Variants in CTNND2 observed in about 807,000 individuals in gnomAD.
CTNND2 encodes the protein catenin delta-2.
In CTNND2, 22 loss-of-function variants were observed where a neutral mutation model predicts 144.4. That is an observed-to-expected ratio of 0.15 (90% CI 0.11 to 0.22). The LOEUF (loss-of-function observed/expected upper bound fraction) is 0.22, where lower values mean the gene tolerates loss of function less well. Ranked by LOEUF, CTNND2 falls within the 10% of genes least tolerant of loss-of-function variation. CTNND2 has a pLI of 1.00. For synonymous variants in CTNND2, 751 were observed against 695.6 expected (o/e 1.08, Z -1.25); for missense variants, 1,353 against 1,618.8 (o/e 0.84, Z 2.82).
chr5:11,503,884 G>C (rs1770757557), intron 3 of CTNND2, among the ~76,000 whole-genome samples: 1 of 152,178 alleles, frequency 6.6e-6, no homozygotes, highest in Non-Finnish European at 1.5e-5. Flanking sequence ...GTTTTCCTAT[G>C]CCTCCTTTCC....
chr5:11,608,368 C>T (rs1276348834), intron 2 of CTNND2, among the ~76,000 whole-genome samples: 1 of 152,162 alleles, frequency 6.6e-6, no homozygotes, highest in African/African-American at 2.4e-5. Flanking sequence ...TGGGTATTTA[C>T]TTACTAGACT....
chr5:11,625,269 G>C (rs1001611860), intron 2 of CTNND2, among the ~76,000 whole-genome samples: 5 of 152,056 alleles, frequency 3.3e-5, no homozygotes, highest in Non-Finnish European at 4.4e-5. Context: ...TTGTCTAAAA[G>C]TTTGAATATG....
At chr5:11,516,305 G>A (rs1772161215) in intron 3 of CTNND2, among the ~76,000 whole-genome samples, 1 of 151,544 alleles carries the variant, frequency 6.6e-6, no homozygotes, top group African/African-American at 2.4e-5. Context: ...ACTCAACATG[G>A]TAAAGGAAGT....
At chr5:11,032,292 T>C in intron 16 of CTNND2, among the ~76,000 whole-genome samples, 1 of 152,234 alleles carries the variant, frequency 6.6e-6, no homozygotes, top group East Asian at 1.9e-4. Context: ...AGGGTTTTTT[T>C]CCTTTTGTAT....
intron 9 of CTNND2, among the ~76,000 whole-genome samples, chr5:11,304,213 T>C (rs1204100297): frequency 6.6e-6 from 1 of 152,136 alleles, no homozygotes; most frequent in Non-Finnish European, 1.5e-5. Flanking sequence ...TATTGGTTGT[T>C]GAGGATTAAT....
intron 9 of CTNND2, among the ~76,000 whole-genome samples, chr5:11,245,373 G>C (rs1283696910): frequency 6.6e-6 from 1 of 152,166 alleles, no homozygotes; most frequent in Non-Finnish European, 1.5e-5. Flanking sequence ...AGTATCCTGA[G>C]ATGGGAGATG....
At chr5:11,240,754 C>A in intron 9 of CTNND2, among the ~76,000 whole-genome samples, 1 of 146,040 alleles carries the variant, frequency 6.8e-6, no homozygotes, top group Non-Finnish European at 1.5e-5. Context: ...AACACACACA[C>A]ATCCAACAGA....
intron 15 of CTNND2, among the ~76,000 whole-genome samples, chr5:11,096,090 G>A (rs1278776769): frequency 6.6e-6 from 1 of 151,794 alleles, no homozygotes; most frequent in African/African-American, 2.4e-5. Context: ...CTGTCTTCAA[G>A]TTCACTAATC....
chr5:11,627,667 T>C (rs115392054), intron 2 of CTNND2, among the ~76,000 whole-genome samples: 1,733 of 151,936 alleles, frequency 0.011, 27 homozygotes, highest in African/African-American at 0.041. Flanking sequence ...AGGGACCAGT[T>C]TCATGGAAGA....
chr5:11,009,398 G>A lies in CTNND2; in HGVS notation c.3084+8576C>T, dbSNP rs146116427. Among the ~76,000 whole-genome samples the A allele has an allele frequency of 3.0e-4, 45 of 152,368 alleles. No homozygotes were observed. The East Asian group carries it at 6.2e-3, about 21-fold the overall frequency. ...CAGGGGAAGCCACAGCTTATGAGAA[G>A]GGGAGGGAGAAGAGATGGAGCTGGG... On this transcript the variant is annotated intron_variant, in intron 18 of 21. Transcript: ENST00000304623.
chr5:11,731,070 C>T (rs1266968432), intron 2 of CTNND2, among the ~76,000 whole-genome samples: 2 of 152,188 alleles, frequency 1.3e-5, no homozygotes, highest in Non-Finnish European at 2.9e-5. Context: ...TAAAGCTCAA[C>T]CCAATTTCCT....
chr5:11,369,657 C>A (rs975173984), intron 7 of CTNND2, among the ~76,000 whole-genome samples: 1 of 152,194 alleles, frequency 6.6e-6, no homozygotes, highest in Admixed American at 6.5e-5. Context: ...TCAAAACAGA[C>A]AAGGTCCCTG....
intron 1 of CTNND2, among the ~76,000 whole-genome samples, chr5:11,741,015 G>A (rs576414596): frequency 2.4e-4 from 37 of 152,262 alleles, no homozygotes; most frequent in Middle Eastern, 3.4e-3. Flanking sequence ...AAACCAAAAT[G>A]AGATACCATC....
intron 1 of CTNND2, among the ~76,000 whole-genome samples, chr5:11,817,687 G>A (rs1427609956): frequency 3.3e-5 from 5 of 151,988 alleles, no homozygotes; most frequent in Non-Finnish European, 7.4e-5. Flanking sequence ...TATGTGGAAG[G>A]GCATCTCCAC....
At chr5:11,453,793 A>G (rs1239637678) in intron 3 of CTNND2, among the ~76,000 whole-genome samples, 1 of 151,782 alleles carries the variant, frequency 6.6e-6, no homozygotes, top group Admixed American at 6.6e-5. Context: ...TTTTTTGTGC[A>G]TGTACACTTG....
At position 11,902,936 on chromosome 5, in the gene CTNND2, C is replaced by T. The variant is rs111564889; in HGVS notation, c.37+881G>A. ...CACACACACACACACCCCAAAAATT[C>T]CCAAGTCTGTTTTCCTACCACAAAC... is the stretch of plus-strand genomic sequence containing the variant. On this transcript the variant is annotated intron_variant, in intron 1 of 21. Transcript: ENST00000304623. The T allele has an allele frequency of 7.9e-3, 1,207 of 152,966 alleles. 8 individuals carry two copies. The highest frequency in any genetic ancestry group is 0.014 in the Middle Eastern group (4 of 294). The allele number at this position is 152,966 out of a possible 1,614,324, so 9.5% of individuals were successfully genotyped here.
intron 9 of CTNND2, among the ~76,000 whole-genome samples, chr5:11,253,122 T>C (rs760838151): frequency 7.9e-5 from 12 of 152,194 alleles, no homozygotes; most frequent in Non-Finnish European, 1.2e-4. Context: ...AGGTCATACC[T>C]GAAGAAAAAA....
At chr5:11,086,296 C>T (rs1324408366) in intron 15 of CTNND2, among the ~76,000 whole-genome samples, 4 of 152,076 alleles carry the variant, frequency 2.6e-5, no homozygotes, top group East Asian at 1.9e-4. Flanking sequence ...CCAATCACCA[C>T]GTCCATGTGT....
chr5:11,565,415 T>C (rs932597588), intron 2 of CTNND2, among the ~76,000 whole-genome samples: 2 of 152,236 alleles, frequency 1.3e-5, no homozygotes, highest in African/African-American at 4.8e-5. Flanking sequence ...ACCACAAGTA[T>C]AGCATTTAAT....
Sources: gnomAD v4.1 joint callset for allele counts (sites outside exome capture counted in the v4.1 genomes callset) on GRCh38, gnomAD v4.1.1 for gene constraint, MANE v1.5 for transcripts, NCBI Gene and HGNC (gene_info 2026-07-23, HGNC 2026-07-21) for gene names.